The following OPCML variants were observed in gnomAD, a reference collection of about 807,000 sequenced individuals.
OPCML encodes opioid binding protein/cell adhesion molecule like.
In OPCML, 13 loss-of-function variants were observed where a neutral mutation model predicts 37.8. The ratio of observed to expected loss-of-function variants is 0.34; its 90% CI spans 0.22 to 0.55. The LOEUF is 0.55. OPCML is among the 20% of genes least tolerant of loss of function. The probability of loss-of-function intolerance (pLI) is 0.91; values close to 1 mark genes in which losing one functional copy is unlikely to be tolerated. For missense variants in OPCML, 341 were observed against 435.6 expected (o/e 0.78, Z 1.93); for synonymous variants, 176 against 168.8 (o/e 1.04, Z -0.33).
chr11:132,804,633 A>T (rs1274941559), intron 2 of OPCML, among the ~76,000 whole-genome samples: 1 of 152,190 alleles, frequency 6.6e-6, no homozygotes, highest in Non-Finnish European at 1.5e-5. Flanking sequence ...TGGTGGTCCT[A>T]TGGTGTAATG....
rs1005833321 is a variant in OPCML at position 133,282,182 on chromosome 11, C to T, written c.61+250082G>A. Among the ~76,000 whole-genome samples, 8 of 152,236 alleles carry T rather than the reference C, an allele frequency of 5.3e-5. No homozygotes were observed. In the East Asian group the frequency reaches 5.8e-4, roughly 11 times the overall value. On this transcript the variant is annotated intron_variant, in intron 1 of 7. Coordinates refer to ENST00000524381, the MANE Select transcript of OPCML (RefSeq NM_001012393.5). The stretch of plus-strand genomic sequence containing the variant: ...TGACTAAAAGGGAGCCAAGGCATTT[C>T]GAAAGTCTTTGGAACGGCCCTTCCC...
At chr11:132,668,957 G>A (rs956429401) in intron 2 of OPCML, among the ~76,000 whole-genome samples, 6 of 152,066 alleles carry the variant, frequency 3.9e-5, no homozygotes, top group African/African-American at 1.4e-4. Context: ...TATAGCCACT[G>A]AGACAACTTT....
chr11:133,445,822 G>A (rs996541765), intron 1 of OPCML, among the ~76,000 whole-genome samples: 5 of 152,122 alleles, frequency 3.3e-5, no homozygotes, highest in African/African-American at 1.2e-4. Flanking sequence ...AAAAGGAAAA[G>A]TGAGAAACAA....
chr11:132,781,717 T>G (rs1947024556), intron 2 of OPCML, among the ~76,000 whole-genome samples: 1 of 151,672 alleles, frequency 6.6e-6, no homozygotes, highest in African/African-American at 2.4e-5. Flanking sequence ...GATTATTTCT[T>G]CAGAACATAG....
At chr11:133,494,713 G>C (rs1947742623) in intron 1 of OPCML, among the ~76,000 whole-genome samples, 1 of 120,812 alleles carries the variant, frequency 8.3e-6, no homozygotes, top group African/African-American at 4.3e-5. Context: ...ACACTCTGGG[G>C]ACTGTTGTGG....
intron 1 of OPCML, among the ~76,000 whole-genome samples, chr11:133,091,631 C>T (rs1948907800): frequency 6.6e-6 from 1 of 152,274 alleles, no homozygotes; most frequent in East Asian, 1.9e-4. Context: ...TCTCTTGGGA[C>T]CTACTACCCT....
At chr11:132,631,848 C>A (rs1424456632) in intron 3 of OPCML, among the ~76,000 whole-genome samples, 1 of 152,008 alleles carries the variant, frequency 6.6e-6, no homozygotes. Flanking sequence ...TTCAGCATGG[C>A]AAGACGTATC....
chr11:132,827,796 C>A (rs898457435), intron 2 of OPCML, among the ~76,000 whole-genome samples: 2 of 147,102 alleles, frequency 1.4e-5, no homozygotes, highest in Admixed American at 6.8e-5. Flanking sequence ...CATGCCACCA[C>A]GCCTGGCTGA....
chr11:132,568,086 A>G (rs2137545621), intron 3 of OPCML, among the ~76,000 whole-genome samples: 1 of 149,242 alleles, frequency 6.7e-6, no homozygotes, highest in East Asian at 2.0e-4. Flanking sequence ...AGTCAAGGTG[A>G]AAAAAAAAAC....
intron 1 of OPCML, among the ~76,000 whole-genome samples, chr11:133,266,623 C>A (rs1010764383): frequency 3.9e-5 from 6 of 152,188 alleles, no homozygotes; most frequent in South Asian, 2.1e-4. Context: ...GTATTAGGAT[C>A]TCAATAAATA....
intron 1 of OPCML, among the ~76,000 whole-genome samples, chr11:133,201,606 AT>A (rs1315715662): frequency 3.3e-5 from 5 of 152,210 alleles, no homozygotes; most frequent in African/African-American, 4.8e-5. Flanking sequence ...GCATTTCTGT[AT>A]CCAAGCAGAG....
intron 4 of OPCML, among the ~76,000 whole-genome samples, chr11:132,438,847 A>G (rs754318224): frequency 2.0e-5 from 3 of 151,952 alleles, no homozygotes; most frequent in Admixed American, 6.6e-5. Context: ...CTCCAAGTCT[A>G]AGCCTTGGGG....
At chr11:133,013,760 AC>A (rs1490813082) in intron 1 of OPCML, among the ~76,000 whole-genome samples, 2 of 152,130 alleles carry the variant, frequency 1.3e-5, no homozygotes, top group Non-Finnish European at 2.9e-5. Flanking sequence ...ATTTATTTGT[AC>A]CTGCTGCAGG....
chr11:133,389,918 C>T (rs993497172), intron 1 of OPCML, among the ~76,000 whole-genome samples: 1 of 152,224 alleles, frequency 6.6e-6, no homozygotes, highest in Non-Finnish European at 1.5e-5. Context: ...CCTATTTCAG[C>T]TAAAGCCCCC....
intron 2 of OPCML, among the ~76,000 whole-genome samples, chr11:132,742,823 T>A (rs914929703): frequency 1.3e-5 from 2 of 150,246 alleles, no homozygotes; most frequent in African/African-American, 4.9e-5. Context: ...TGTAATTATA[T>A]ACTCATTATA....
intron 1 of OPCML, among the ~76,000 whole-genome samples, chr11:133,261,203 C>G (rs1941484672): frequency 1.3e-5 from 2 of 152,196 alleles, no homozygotes; most frequent in African/African-American, 2.4e-5. Flanking sequence ...GGACCCAGGC[C>G]TGAGACTACG....
At chr11:133,339,192 C>A (rs1943808619) in intron 1 of OPCML, among the ~76,000 whole-genome samples, 1 of 152,208 alleles carries the variant, frequency 6.6e-6, no homozygotes, top group African/African-American at 2.4e-5. Flanking sequence ...ATAAAAATGA[C>A]TATTGAGTTC....
In OPCML at chr11:133,170,504, G is replaced by C. The variant is rs536778019; in HGVS notation, c.62-227494C>G. Among the ~76,000 whole-genome samples, 4 of 149,382 alleles carry C rather than the reference G, an allele frequency of 2.7e-5. No individual in the cohort carries two copies. The East Asian group carries it at 7.7e-4, about 29-fold the overall frequency. On this transcript the variant is annotated intron_variant, in intron 1 of 7. Coordinates refer to ENST00000524381, the MANE Select transcript of OPCML (RefSeq NM_001012393.5). ...CCGTCACAAACACACAAACAAAAAAGGATATAGCAAGGCTTGAAATCAAAC... is the reference window on the plus strand; with the variant it reads ...CCGTCACAAACACACAAACAAAAAACGATATAGCAAGGCTTGAAATCAAAC...
intron 1 of OPCML, among the ~76,000 whole-genome samples, chr11:133,082,227 C>T (rs114717350): frequency 0.047 from 7,144 of 151,682 alleles, 549 homozygotes; most frequent in African/African-American, 0.16. Flanking sequence ...GACCCGGGGT[C>T]CTGGGCCACT....
Sources: allele counts gnomAD v4.1 joint callset (sites outside exome capture counted in the v4.1 genomes callset), GRCh38; gene constraint gnomAD v4.1.1; transcripts MANE v1.5; gene names NCBI Gene and HGNC (gene_info 2026-07-23, HGNC 2026-07-21).